The following CHST8 variants were observed in gnomAD, a reference collection of about 807,000 sequenced individuals.
CHST8 encodes the protein GALNAC-4-ST1.
Under a neutral mutation model 15.0 loss-of-function variants are expected in CHST8, and 10 were observed. The ratio of observed to expected loss-of-function variants is 0.67; its 90% confidence interval spans 0.41 to 1.13. The LOEUF (loss-of-function observed/expected upper bound fraction) is 1.13, where lower values mean the gene tolerates loss of function less well. CHST8 is among the 50% of genes most tolerant of loss of function. CHST8 has a pLI of 0.00. For synonymous variants in CHST8, 259 were observed against 256.6 expected (o/e 1.01, Z -0.09); for missense variants, 634 against 608.2 (o/e 1.04, Z -0.45).
At chr19:33,762,357 G>A (rs532352466) in intron 3 of CHST8, among the ~76,000 whole-genome samples, 180 of 152,324 alleles carry the variant, frequency 1.2e-3, no homozygotes, top group African/African-American at 4.2e-3. Flanking sequence ...CCAGCTGACC[G>A]GCTGACTGAC....
intron 3 of CHST8, 32 bp downstream of exon 3, chr19:33,689,423 G>C (rs961085653): frequency 1.3e-6 from 2 of 1,526,076 alleles, no homozygotes; most frequent in African/African-American, 1.4e-5. Flanking sequence ...TGCCATCACT[G>C]CCCCCAGCTT....
Position 33,718,391 on chromosome 19 carries a change from G to C in CHST8, c.130+29000G>C, listed in dbSNP as rs572215646. Among the ~76,000 whole-genome samples the C allele has an allele frequency of 1.6e-4, 24 of 152,148 alleles. No homozygotes were observed. The East Asian group carries it at 4.7e-3, about 30-fold the overall frequency. ...GAGCCTCTGTGCCCAACTGCCACTA[G>C]ATTTTTAAGCCCACATTTCACCCCT... is the stretch of plus-strand genomic sequence containing the variant. On this transcript the variant is annotated intron_variant, in intron 3 of 4. Coordinates refer to ENST00000650847, the MANE Select transcript of CHST8 (RefSeq NM_001127895.2).
At chr19:33,623,084 C>T (rs1972006730) in intron 1 of CHST8, among the ~76,000 whole-genome samples, 1 of 152,152 alleles carries the variant, frequency 6.6e-6, no homozygotes, top group Non-Finnish European at 1.5e-5. Flanking sequence ...TTTGGCAGTG[C>T]CCGATGCTGG....
chr19:33,661,367 A>G (rs575634672), intron 1 of CHST8, among the ~76,000 whole-genome samples: 16 of 152,348 alleles, frequency 1.1e-4, no homozygotes, highest in African/African-American at 3.8e-4. Context: ...CTCACAACAA[A>G]GCCCTGAACT....
intron 1 of CHST8, among the ~76,000 whole-genome samples, chr19:33,664,198 G>A (rs1345923850): frequency 6.6e-6 from 1 of 152,114 alleles, no homozygotes; most frequent in African/African-American, 2.4e-5. Flanking sequence ...CTGTGTACTT[G>A]TGTAATTTAA....
chr19:33,639,373 C>A (rs1011994027), intron 1 of CHST8, among the ~76,000 whole-genome samples: 2 of 152,078 alleles, frequency 1.3e-5, no homozygotes, highest in African/African-American at 2.4e-5. Flanking sequence ...AGCCCAGGGG[C>A]AGGGGCATGG....
chr19:33,751,619 G>A (rs376861576), intron 3 of CHST8, among the ~76,000 whole-genome samples: 40 of 152,246 alleles, frequency 2.6e-4, no homozygotes, highest in East Asian at 1.4e-3. Flanking sequence ...CCGGCCCACC[G>A]TCCCCGGGCA....
chr19:33,642,839 C>T (rs946811599), intron 1 of CHST8, among the ~76,000 whole-genome samples: 1 of 152,168 alleles, frequency 6.6e-6, no homozygotes, highest in African/African-American at 2.4e-5. Flanking sequence ...TTCATTTTAT[C>T]AAAATGCAAT....
At chr19:33,632,044 T>G (rs547532525) in intron 1 of CHST8, among the ~76,000 whole-genome samples, 127 of 152,336 alleles carry the variant, frequency 8.3e-4, no homozygotes, top group Non-Finnish European at 1.6e-3. Context: ...TCAAGGGCCT[T>G]GCCTGGTGAT....
intron 3 of CHST8, among the ~76,000 whole-genome samples, chr19:33,751,891 TG>T (rs1974428583): frequency 2.6e-5 from 4 of 152,158 alleles, no homozygotes; most frequent in African/African-American, 9.6e-5. Context: ...AGCTCCCAAA[TG>T]AACAATGACA....
At chr19:33,769,340 C>T (rs1284471451) in intron 3 of CHST8, among the ~76,000 whole-genome samples, 1 of 152,224 alleles carries the variant, frequency 6.6e-6, no homozygotes, top group Non-Finnish European at 1.5e-5. Flanking sequence ...AATATATAAG[C>T]ACCGTCACAC....
intron 1 of CHST8, among the ~76,000 whole-genome samples, chr19:33,644,036 C>T (rs960243475): frequency 6.6e-6 from 1 of 152,048 alleles, no homozygotes; most frequent in African/African-American, 2.4e-5. Context: ...GGGTTCAAGC[C>T]ATTCTCCTGT....
At position 33,689,320 on chromosome 19, in the gene CHST8, T is replaced by C. The variant is rs1380177483; in HGVS notation, c.59T>C (p.Phe20Ser). Reference sequence around the variant, plus strand: ...TGCATGTTCTCTTCCATCCTGCTGTTCGGAGCTGCAGGCCTCCTCCTCTTC... The same window carrying C: ...TGCATGTTCTCTTCCATCCTGCTGTCCGGAGCTGCAGGCCTCCTCCTCTTC... Reference protein sequence around the residue: ...LACMFSSILLFGAAGLLLFIS... With the variant: ...LACMFSSILLSGAAGLLLFIS... Residue 20 changes from phenylalanine to serine, a missense_variant, in exon 3 of 5, where the codon TTC becomes TCC. Phe to Ser is a radical substitution (Grantham distance 155). Coordinates refer to ENST00000650847, the MANE Select transcript of CHST8 (RefSeq NM_001127895.2). 1.9e-6 allele frequency: 3 copies of C among 1,609,720 alleles called. No homozygotes were observed. The Admixed American group carries it at 5.0e-5, about 27-fold the overall frequency.
intron 3 of CHST8, among the ~76,000 whole-genome samples, chr19:33,742,302 A>G (rs1170541852): frequency 6.6e-6 from 1 of 152,192 alleles, no homozygotes; most frequent in African/African-American, 2.4e-5. Flanking sequence ...AGACTGGGTA[A>G]TTTAAAAGAA....
At chr19:33,701,394 A>G (rs1430682778) in intron 3 of CHST8, among the ~76,000 whole-genome samples, 1 of 152,230 alleles carries the variant, frequency 6.6e-6, no homozygotes, top group Non-Finnish European at 1.5e-5. Context: ...GCATGTAGGA[A>G]GTAATAACAG....
In CHST8 at chr19:33,773,358, C is replaced by A; in HGVS notation, c.*295C>A. On this transcript the variant is annotated 3_prime_UTR_variant, in exon 5 of 5. Transcript: ENST00000650847. ...TTTTGATGAGCAGGGAAGTCTGAGGCCCAGAGGACGGGGGGCCCAGCGGTA... is the reference window on the plus strand; with the variant it reads ...TTTTGATGAGCAGGGAAGTCTGAGGACCAGAGGACGGGGGGCCCAGCGGTA... 1 of 440,428 alleles carries A rather than the reference C, an allele frequency of 2.3e-6. No homozygotes were observed. Among genetic ancestry groups the A allele is most frequent in the Non-Finnish European group, 4.0e-6 (1 of 247,304 alleles). The allele number at this position is 440,428 out of a possible 1,614,324, so 27.3% of individuals were successfully genotyped here.
At chr19:33,721,700 G>A (rs1426744993) in intron 3 of CHST8, among the ~76,000 whole-genome samples, 2 of 151,758 alleles carry the variant, frequency 1.3e-5, no homozygotes, top group African/African-American at 2.4e-5. Flanking sequence ...CTGGGTGGAA[G>A]AATGTATGGA....
chr19:33,699,657 C>T (rs931875816), intron 3 of CHST8, among the ~76,000 whole-genome samples: 2 of 152,108 alleles, frequency 1.3e-5, no homozygotes, highest in Admixed American at 6.5e-5. Context: ...CCAATGCCCG[C>T]GGGTCTGCCT....
intron 3 of CHST8, among the ~76,000 whole-genome samples, chr19:33,706,281 C>A (rs1271943584): frequency 1.3e-5 from 2 of 152,204 alleles, no homozygotes; most frequent in African/African-American, 4.8e-5. Context: ...CTGCTCACAG[C>A]AGACATGTTC....
Sources: gnomAD v4.1 joint callset for allele counts (sites outside exome capture counted in the v4.1 genomes callset) on GRCh38, gnomAD v4.1.1 for gene constraint, MANE v1.5 for transcripts, NCBI Gene and HGNC (gene_info 2026-07-23, HGNC 2026-07-21) for gene names.